UCN3: variants seen among roughly 807,000 people sequenced by gnomAD.
The protein encoded by UCN3 is urocortin-3.
A neutral mutation model predicts 3.6 loss-of-function variants in UCN3; 3 were observed. The observed-to-expected ratio is 0.83, with a 90% CI of 0.38 to 2.15. The LOEUF is 2.15. UCN3 is among the 30% of genes most tolerant of loss of function. UCN3 has a pLI of 0.06. For synonymous variants in UCN3, 100 were observed against 93.2 expected (o/e 1.07, Z -0.42); for missense variants, 206 against 208.3 (o/e 0.99, Z 0.07).
chr10:5,374,016 C>T lies in UCN3; in HGVS notation c.296C>T (p.Ser99Phe), dbSNP rs1236823383. The T allele has an allele frequency of 6.2e-6, 10 of 1,611,606 alleles. No individual in the cohort carries two copies. The Admixed American group carries it at 1.5e-4, about 24-fold the overall frequency. ...GARGTRYRYV[S>F]QAQPRGKPRQ... ...AGAGGCACCCGGTACAGATACGTGT[C>T]CCAAGCACAGCCCAGGGGAAAGCCA... The change falls in exon 2 of 2, where the codon TCC becomes TTC. Residue 99 changes from serine (S) to phenylalanine (F), a missense_variant. By Grantham distance (155) the Ser-to-Phe change is radical. Coordinates refer to ENST00000380433, the MANE Select transcript of UCN3 (RefSeq NM_053049.4).
Position 5,374,512 on chromosome 10 carries a change from T to A in UCN3, c.*306T>A, listed in dbSNP as rs1831477555. On this transcript the variant is annotated 3_prime_UTR_variant, in exon 2 of 2. Transcript: ENST00000380433. Reference sequence around the variant, plus strand: ...TCCCTCCCCACAGCAAGAGGCAAAGTTCATGCATTCCTCCTCTCCAGTCTT... The same window carrying A: ...TCCCTCCCCACAGCAAGAGGCAAAGATCATGCATTCCTCCTCTCCAGTCTT... 1 of 309,654 alleles carries A rather than the reference T, an allele frequency of 3.2e-6. No individual in the cohort carries two copies. Among genetic ancestry groups the A allele is most frequent in the South Asian group, 4.1e-5 (1 of 24,256 alleles). The allele number at this position is 309,654 out of a possible 1,614,324, so 19.2% of individuals were successfully genotyped here.
At chr10:5,372,635 G>A (rs1444790675) in intron 1 of UCN3, among the ~76,000 whole-genome samples, 1 of 151,858 alleles carries the variant, frequency 6.6e-6, no homozygotes, top group African/African-American at 2.4e-5. Context: ...CTGTAGCCTC[G>A]ACCTCTGGAG....
Position 5,374,102 on chromosome 10 carries a change from A to G in UCN3, c.382A>G (p.Thr128Ala), listed in dbSNP as rs782083306. The G allele has an allele frequency of 2.5e-6, 4 of 1,613,530 alleles. No homozygotes were observed. Among genetic ancestry groups the G allele is most frequent in the Middle Eastern group, 3.3e-4 (2 of 6,062 alleles). Residue 128 changes from threonine (T) to alanine (A), a missense_variant, in exon 2 of 2, where the codon ACC becomes GCC. Coordinates refer to ENST00000380433, the MANE Select transcript of UCN3 (RefSeq NM_053049.4). ...TKFTLSLDVP[T>A]NIMNLLFNIA... ...GTTCACCCTGTCCCTCGACGTCCCCACCAACATCATGAACCTCCTCTTCAA... is the reference window on the plus strand; with the variant it reads ...GTTCACCCTGTCCCTCGACGTCCCCGCCAACATCATGAACCTCCTCTTCAA...
At chr10:5,369,917 G>GTGTGTGTA (rs1564442071) in intron 1 of UCN3, among the ~76,000 whole-genome samples, 1 of 125,724 alleles carries the variant, frequency 8.0e-6, no homozygotes, top group Non-Finnish European at 1.6e-5. Context: ...GTGTGTATAT[G>GTGTGTGTA]TGTGTGTATG....
At chr10:5,370,643 ATATG>A (rs1433895972) in intron 1 of UCN3, among the ~76,000 whole-genome samples, 1 of 40,370 alleles carries the variant, frequency 2.5e-5, no homozygotes, top group African/African-American at 1.2e-4. Context: ...ATGTGTGTGT[ATATG>A]TGTGTGTATG....
chr10:5,370,212 T>TATGC (rs1831347058), intron 1 of UCN3, among the ~76,000 whole-genome samples: 1 of 12,472 alleles, frequency 8.0e-5, no homozygotes, highest in African/African-American at 4.6e-4. Context: ...TGCGTGTGTA[T>TATGC]GTGTGTGTAT....
In UCN3 at chr10:5,367,367, T is replaced by A. The variant is rs140989878; in HGVS notation, c.-7+2137T>A. On this transcript the variant is annotated intron_variant, in intron 1 of 1. Transcript: ENST00000380433. The surrounding 1 kb of genome is among the most constrained non-coding windows in gnomAD (Gnocchi z 4.3). ...TTTTCCTCTGTGATACGTAACAACA[T>A]GATTTGCAGAGAGAATGTACATCCA... is the stretch of plus-strand genomic sequence containing the variant. Among the ~76,000 whole-genome samples, 1 of 152,188 alleles carries A rather than the reference T, an allele frequency of 6.6e-6. No homozygotes were observed. Among genetic ancestry groups the A allele is most frequent in the Non-Finnish European group, 1.5e-5 (1 of 68,032 alleles).
rs569215845 is a variant in UCN3, at chr10:5,374,570, G to A, written c.*364G>A. 18 of 195,042 alleles carry A rather than the reference G, an allele frequency of 9.2e-5. No homozygotes were observed. The South Asian group carries it at 9.8e-4, about 11-fold the overall frequency. 12.1% of individuals were successfully genotyped at this position (195,042 alleles called of 1,614,324 possible). A position where few individuals can be genotyped will look rare whatever the true frequency, so the allele number is the denominator to read the frequency against. On this transcript the variant is annotated 3_prime_UTR_variant, in exon 2 of 2. Coordinates refer to ENST00000380433, the MANE Select transcript of UCN3 (RefSeq NM_053049.4). ...TTGACCCCATGCCTGAGAAGAGAGC[G>A]TTCAGGGCTCCTCTCCCACACATCA...
intron 1 of UCN3, among the ~76,000 whole-genome samples, chr10:5,371,187 G>C (rs1831421645): frequency 6.7e-6 from 1 of 149,918 alleles, no homozygotes; most frequent in Admixed American, 6.7e-5. Context: ...GTGCATATGT[G>C]TACGTGTGAG....
intron 1 of UCN3, among the ~76,000 whole-genome samples, chr10:5,370,197 G>A (rs1588399778): frequency 1.5e-5 from 1 of 67,536 alleles, no homozygotes; most frequent in Non-Finnish European, 2.6e-5. Flanking sequence ...ATATGCGTGT[G>A]TATATGCGTG....
At chr10:5,370,189 A>G (rs143141690) in intron 1 of UCN3, among the ~76,000 whole-genome samples, 30 of 16,258 alleles carry the variant, frequency 1.8e-3, no homozygotes, top group Admixed American at 4.6e-3. Flanking sequence ...GCGTGTGTAT[A>G]TGCGTGTGTA....
Position 5,365,153 on chromosome 10 carries a change from G to C in UCN3, c.-84G>C, listed in dbSNP as rs879991707. The C allele has an allele frequency of 6.6e-6, 1 of 152,348 alleles. No individual in the cohort carries two copies. Among genetic ancestry groups the C allele is most frequent in the Admixed American group, 6.5e-5 (1 of 15,286 alleles). The allele number at this position is 152,348 out of a possible 1,614,324, so 9.4% of individuals were successfully genotyped here. On this transcript the variant is annotated 5_prime_UTR_variant, in exon 1 of 2. Coordinates refer to ENST00000380433, the MANE Select transcript of UCN3 (RefSeq NM_053049.4). This position sits in a 1 kb window ranked among gnomAD's most constrained non-coding sequence, Gnocchi z 4.4. The stretch of plus-strand genomic sequence containing the variant: ...AGCAGCCACAAGTTCATGGGGACGT[G>C]CACGGGGCCGCCCTCCTGGCCCTGA...
intron 1 of UCN3, among the ~76,000 whole-genome samples, chr10:5,368,158 C>G (rs1834133759): frequency 6.6e-6 from 1 of 152,078 alleles, no homozygotes; most frequent in South Asian, 2.1e-4. Flanking sequence ...CGTGTGCCAC[C>G]ACGCCTGGCT....
In UCN3 at chr10:5,373,905, T is replaced by TGC; in HGVS notation, c.188_189dup (p.Ser64AlafsTer69). On this transcript the variant is annotated frameshift_variant, in exon 2 of 2. Coordinates refer to ENST00000380433, the MANE Select transcript of UCN3 (RefSeq NM_053049.4). LOFTEE classifies it low-confidence loss of function (END_TRUNC). ...CTGAGCAAGAGGAGCTTCCACTACC[T>TGC]GCGCAGCAGAGACGCCTCTTCGGGA... The TGC allele has an allele frequency of 3.1e-6, 5 of 1,613,738 alleles. No individual in the cohort carries two copies. Among genetic ancestry groups the TGC allele is most frequent in the Non-Finnish European group, 4.2e-6 (5 of 1,179,844 alleles).
intron 1 of UCN3, among the ~76,000 whole-genome samples, 157 bp from the exon 2 acceptor site, chr10:5,373,558 A>T (rs1344791178): frequency 1.3e-5 from 2 of 152,150 alleles, no homozygotes; most frequent in African/African-American, 4.8e-5. Context: ...CATTTCTAAC[A>T]AAGTCCCAGC....
At chr10:5,370,920 C>CGTGTGTATATGTGTGTGTATGT (rs1228555166) in intron 1 of UCN3, among the ~76,000 whole-genome samples, 1 of 109,846 alleles carries the variant, frequency 9.1e-6, no homozygotes, top group African/African-American at 3.7e-5. Flanking sequence ...TGTGTATATG[C>CGTGTGTATATGTGTGTGTATGT]GTGTGTATAT....
chr10:5,372,716 ATT>A lies in UCN3; in HGVS notation c.-6-981_-6-980del, dbSNP rs1156663637. Among the ~76,000 whole-genome samples, 610 of 127,638 alleles carry A rather than the reference ATT, an allele frequency of 4.8e-3. 4 individuals carry two copies. The highest frequency in any genetic ancestry group is 0.017 in the African/African-American group (560 of 33,916). 83.7% of individuals were successfully genotyped at this position (127,638 alleles called of 152,430 possible). A position where few individuals can be genotyped will look rare whatever the true frequency, so the allele number is the denominator to read the frequency against. On this transcript the variant is annotated intron_variant, in intron 1 of 1. Coordinates refer to ENST00000380433, the MANE Select transcript of UCN3 (RefSeq NM_053049.4). The stretch of plus-strand genomic sequence containing the variant: ...AGGTGCACACCACCACGCCCAGCTA[ATT>A]TTTTTTTTTTTTTTTTTGTAGAGAT...
Position 5,370,388 on chromosome 10 carries a change from C to CGTGTATATGTGTGTGTGT in UCN3, c.-6-3323_-6-3322insATATGTGTGTGTGTGTGT, listed in dbSNP as rs1564442872. Among the ~76,000 whole-genome samples the CGTGTATATGTGTGTGTGT allele has an allele frequency of 7.2e-5, 2 of 27,968 alleles. 1 individual carries two copies. The highest frequency in any genetic ancestry group is 1.1e-4 in the Non-Finnish European group (2 of 18,140). 18.3% of individuals were successfully genotyped at this position (27,968 alleles called of 152,430 possible). ...ATGCGTGTGTATATGCGTGTATATGCGTGTGTATATGTGTGTGTATATGTG... is the reference window on the plus strand; with the variant it reads ...ATGCGTGTGTATATGCGTGTATATGCGTGTATATGTGTGTGTGTGTGTGTATATGTGTGTGTATATGTG... On this transcript the variant is annotated intron_variant, in intron 1 of 1. Coordinates refer to ENST00000380433, the MANE Select transcript of UCN3 (RefSeq NM_053049.4).
intron 1 of UCN3, among the ~76,000 whole-genome samples, chr10:5,370,908 C>T (rs111207951): frequency 0.038 from 2,930 of 76,626 alleles, 252 homozygotes; most frequent in East Asian, 0.19. Context: ...TGTGTATATG[C>T]GTGTGTATAT....
Sources: allele counts gnomAD v4.1 joint callset (sites outside exome capture counted in the v4.1 genomes callset), GRCh38; gene constraint gnomAD v4.1.1; non-coding constraint Gnocchi (gnomAD v3.1); transcripts MANE v1.5; gene names NCBI Gene and HGNC (gene_info 2026-07-23, HGNC 2026-07-21).